Variants in RBAK observed in about 807,000 individuals in gnomAD.
RBAK encodes the protein RB associated KRAB zinc finger.
In RBAK, 39 loss-of-function variants were observed where a neutral mutation model predicts 65.8. The observed-to-expected ratio is 0.59, with a 90% CI of 0.46 to 0.77. The LOEUF is 0.77. RBAK is among the 30% of genes least tolerant of loss of function. The probability of loss-of-function intolerance (pLI) is 0.00; values close to 1 mark genes in which losing one functional copy is unlikely to be tolerated. For synonymous variants in RBAK, 343 were observed against 289.7 expected, an observed-to-expected ratio of 1.18 and a Z score of -1.87; for missense variants, 884 against 855.1, an observed-to-expected ratio of 1.03 and a Z score of -0.42.
At chr7:5,050,655 G>C (rs797005011) in intron 2 of RBAK, among the ~76,000 whole-genome samples, 3 of 152,246 alleles carry the variant, frequency 2.0e-5, no homozygotes, top group Admixed American at 1.3e-4. Context: ...GCTCACTGCA[G>C]CCTCAAACTC....
intron 4 of RBAK, among the ~76,000 whole-genome samples, chr7:5,059,080 G>T (rs1379129353): frequency 1.3e-5 from 2 of 152,072 alleles, no homozygotes; most frequent in Non-Finnish European, 2.9e-5. Context: ...CCCAGTATTT[G>T]ATTGTGCTAG....
rs1018541250 is a variant in RBAK, at chr7:5,048,476, G to A, written c.15+385G>A. Among the ~76,000 whole-genome samples, 5 of 152,190 alleles carry A rather than the reference G, an allele frequency of 3.3e-5. No individual in the cohort carries two copies. In the East Asian group the frequency reaches 7.7e-4, roughly 23 times the overall value. ...GGCATGAGCCACCGCGCCCAGCCAG[G>A]ATTCATACTTTAAAATGGGAATGTG... On this transcript the variant is annotated intron_variant, in intron 2 of 4. Coordinates refer to ENST00000396912, the MANE Select transcript of RBAK (RefSeq NM_021163.4). This position sits in a 1 kb window ranked among gnomAD's most constrained non-coding sequence, Gnocchi z 4.4.
rs142273025 is a variant in RBAK at position 5,063,895 on chromosome 7, A to G, written c.439A>G (p.Ile147Val). ...CVSCGKNLES[I>V]SQLISSDGSY... is the part of the protein sequence containing the mutation. ...CTCATGTGGAAAGAATTTAGAATCTATTTCGCAATTAATTAGTAGTGATGG... is the reference window on the plus strand; with the variant it reads ...CTCATGTGGAAAGAATTTAGAATCTGTTTCGCAATTAATTAGTAGTGATGG... Residue 147 changes from isoleucine (I) to valine (V), a missense_variant, in exon 5 of 5, where the codon ATT (isoleucine) becomes GTT (valine). Ile to Val is a conservative substitution (Grantham distance 29). Coordinates refer to ENST00000396912, the MANE Select transcript of RBAK (RefSeq NM_021163.4). The G allele has an allele frequency of 1.5e-5, 25 of 1,614,052 alleles. No homozygotes were observed. The highest frequency in any genetic ancestry group is 1.0e-4 in the Admixed American group (6 of 60,020).
chr7:5,058,677 G>T (rs566158957), intron 4 of RBAK, among the ~76,000 whole-genome samples: 1 of 152,190 alleles, frequency 6.6e-6, no homozygotes, highest in East Asian at 1.9e-4. Flanking sequence ...CTCATGACCC[G>T]TCTGTGTGTT....
At chr7:5,051,473 T>C (rs1286248193) in intron 2 of RBAK, among the ~76,000 whole-genome samples, 1 of 152,216 alleles carries the variant, frequency 6.6e-6, no homozygotes, top group African/African-American at 2.4e-5. Context: ...AGCACAGTAA[T>C]TGAATTCAGG....
intron 4 of RBAK, among the ~76,000 whole-genome samples, chr7:5,059,676 A>C (rs1369206278): frequency 6.6e-6 from 1 of 152,274 alleles, no homozygotes; most frequent in South Asian, 2.1e-4. Context: ...TGACCACTCC[A>C]GTCTTTCCTT....
intron 2 of RBAK, among the ~76,000 whole-genome samples, chr7:5,049,164 T>G (rs187810574): frequency 6.6e-6 from 1 of 152,374 alleles, no homozygotes; most frequent in East Asian, 1.9e-4. Flanking sequence ...TAATTGCGGA[T>G]AGCTTTCCTA....
chr7:5,054,278 G>A (rs1020128269), intron 2 of RBAK, among the ~76,000 whole-genome samples: 10 of 151,894 alleles, frequency 6.6e-5, no homozygotes, highest in Non-Finnish European at 1.0e-4. Flanking sequence ...GCTGGTACAC[G>A]CCTGTAATCC....
intron 1 of RBAK, among the ~76,000 whole-genome samples, chr7:5,047,461 A>G (rs1344225823): frequency 3.3e-5 from 5 of 152,108 alleles, no homozygotes; most frequent in South Asian, 2.1e-4. Flanking sequence ...TTCTTTTTGC[A>G]GGTTGTATTT....
intron 2 of RBAK, among the ~76,000 whole-genome samples, chr7:5,050,617 C>T (rs544258516): frequency 6.6e-6 from 1 of 152,318 alleles, no homozygotes; most frequent in East Asian, 1.9e-4. Context: ...CAGAGTCTCA[C>T]TCTGTCACCC....
chr7:5,046,290 A>G lies in RBAK; in HGVS notation c.-151A>G, dbSNP rs766589448. On this transcript the variant is annotated 5_prime_UTR_variant, in exon 1 of 5. Coordinates refer to ENST00000396912, the MANE Select transcript of RBAK (RefSeq NM_021163.4). ...GGCCCCTCGGGAGCAGAACAACCTT[A>G]GTGAGGTGGACAGGAGGGGACCTCG... 1.9e-6 allele frequency: 1 copy of G among 516,426 alleles called. No homozygotes were observed. The highest frequency in any genetic ancestry group is 5.5e-5 in the East Asian group (1 of 18,290). 32.0% of individuals were successfully genotyped at this position (516,426 alleles called of 1,614,324 possible).
At chr7:5,053,007 G>C (rs1423852320) in intron 2 of RBAK, among the ~76,000 whole-genome samples, 1 of 152,164 alleles carries the variant, frequency 6.6e-6, no homozygotes, top group Non-Finnish European at 1.5e-5. Context: ...TGACCTGTCT[G>C]CCTCAGCCTC....
intron 2 of RBAK, among the ~76,000 whole-genome samples, chr7:5,051,307 A>G (rs1788111517): frequency 6.6e-6 from 1 of 152,044 alleles, no homozygotes. Context: ...TCCCACATTA[A>G]TCATTTATAT....
chr7:5,059,092 C>G lies in RBAK; in HGVS notation c.238+1313C>G, dbSNP rs182894804. Among the ~76,000 whole-genome samples, 218 of 152,262 alleles carry G rather than the reference C, an allele frequency of 1.4e-3. 1 individual carries two copies. In the East Asian group the frequency reaches 0.023, roughly 16 times the overall value. The stretch of plus-strand genomic sequence containing the variant: ...CCTCCCAGTATTTGATTGTGCTAGT[C>G]TTGTCTCCATGGTTTGTGTTCTTTG... On this transcript the variant is annotated intron_variant, in intron 4 of 4. Transcript: ENST00000396912.
intron 2 of RBAK, among the ~76,000 whole-genome samples, chr7:5,050,471 T>TA: frequency 6.6e-6 from 1 of 152,252 alleles, no homozygotes; most frequent in Non-Finnish European, 1.5e-5. Context: ...TTTGTGAACT[T>TA]AAGAACTATT....
At position 5,048,717 on chromosome 7, in the gene RBAK, A is replaced by G. The variant is rs992282376; in HGVS notation, c.15+626A>G. Among the ~76,000 whole-genome samples the G allele has an allele frequency of 6.6e-5, 10 of 152,216 alleles. No individual in the cohort carries two copies. Among genetic ancestry groups the G allele is most frequent in the African/African-American group, 2.4e-4 (10 of 41,438 alleles). ...AGAAATAACCAAGACTGGGTCATTT[A>G]TAAAGAAAAGAGGTTTAATTGGCTC... On this transcript the variant is annotated intron_variant, in intron 2 of 4. Coordinates refer to ENST00000396912, the MANE Select transcript of RBAK (RefSeq NM_021163.4). The surrounding 1 kb of genome is among the most constrained non-coding windows in gnomAD (Gnocchi z 4.4).
intron 4 of RBAK, among the ~76,000 whole-genome samples, chr7:5,063,108 A>G (rs1484778095): frequency 6.6e-6 from 1 of 152,226 alleles, no homozygotes; most frequent in Admixed American, 6.5e-5. Context: ...GGAAGTGATA[A>G]GTGTCCGTGA....
intron 2 of RBAK, among the ~76,000 whole-genome samples, chr7:5,055,246 A>ATGTGTGTG (rs71535173): frequency 2.0e-5 from 3 of 146,914 alleles, no homozygotes; most frequent in Non-Finnish European, 3.0e-5. Flanking sequence ...TGAGGCATAA[A>ATGTGTGTG]TGTGTGTGTG....
chr7:5,069,137 T>C lies in RBAK; in HGVS notation c.*3536T>C, dbSNP rs1779291843. On this transcript the variant is annotated 3_prime_UTR_variant, in exon 5 of 5. Transcript: ENST00000396912. Reference sequence around the variant, plus strand: ...TATGTGTATTTTTCTGCATGTGTGTTAAACTTTCCATAAAAGTTTTCTAAA... The same window carrying C: ...TATGTGTATTTTTCTGCATGTGTGTCAAACTTTCCATAAAAGTTTTCTAAA... 1.3e-5 allele frequency: 2 copies of C among 152,254 alleles called. No individual in the cohort carries two copies. Among genetic ancestry groups the C allele is most frequent in the African/African-American group, 4.8e-5 (2 of 41,468 alleles). 9.4% of individuals were successfully genotyped at this position (152,254 alleles called of 1,614,324 possible). A position where few individuals can be genotyped will look rare whatever the true frequency, so the allele number is the denominator to read the frequency against.
Sources: allele counts gnomAD v4.1 joint callset (sites outside exome capture counted in the v4.1 genomes callset), GRCh38; gene constraint gnomAD v4.1.1; non-coding constraint Gnocchi (gnomAD v3.1); transcripts MANE v1.5; gene names NCBI Gene and HGNC (gene_info 2026-07-23, HGNC 2026-07-21).